Variants in PSD3 observed in about 807,000 individuals in gnomAD.
PSD3 encodes the protein PH and SEC7 domain-containing protein 3.
Under a neutral mutation model 105.5 loss-of-function variants are expected in PSD3, and 49 were observed. The ratio of observed to expected loss-of-function variants is 0.46; its 90% confidence interval spans 0.37 to 0.59. The LOEUF (loss-of-function observed/expected upper bound fraction) is 0.59. Among genes scored for constraint, PSD3 ranks in the 20% least tolerant of loss-of-function variants. The pLI, the probability that PSD3 is intolerant of heterozygous loss-of-function variation, is 0.00. For synonymous variants in PSD3, 557 were observed against 457.8 expected (o/e 1.22, Z -2.77); for missense variants, 1,561 against 1,263.8 (o/e 1.24, Z -3.57).
At chr8:18,991,470 G>T (rs908437141) in intron 1 of PSD3, among the ~76,000 whole-genome samples, 2 of 151,960 alleles carry the variant, frequency 1.3e-5, no homozygotes, top group African/African-American at 4.8e-5. Flanking sequence ...AGGGTCAACT[G>T]TGACCTACAG....
In PSD3 at chr8:18,867,768, C is replaced by T. The variant is rs374109905; in HGVS notation, c.1540G>A (p.Val514Met). The change falls in exon 4 of 16, where the codon GTG (valine) becomes ATG (methionine). Residue 514 changes from valine (V) to methionine (M), a missense_variant. Physicochemically the swap from Val to Met is conservative, Grantham distance 21. Coordinates refer to ENST00000327040, the MANE Select transcript of PSD3 (RefSeq NM_015310.4). Reference sequence around the variant, plus strand: ...GTGACGCCACTAGAATAGCCCATCACGATGCCACCATCTGCAGACACACTC... The same window carrying T: ...GTGACGCCACTAGAATAGCCCATCATGATGCCACCATCTGCAGACACACTC... ...ILSVSADGGI[V>M]MGYSSGVTNG... 3.2e-5 allele frequency: 52 copies of T among 1,614,016 alleles called. No individual in the cohort carries two copies. The highest frequency in any genetic ancestry group is 1.1e-4 in the East Asian group (5 of 44,874).
chr8:18,684,699 G>A (rs1377085541), intron 9 of PSD3, among the ~76,000 whole-genome samples: 1 of 152,170 alleles, frequency 6.6e-6, no homozygotes, highest in Non-Finnish European at 1.5e-5. Context: ...GGCAAATCCA[G>A]AATAAAGATG....
chr8:18,953,710 C>G (rs1237206680), intron 1 of PSD3, among the ~76,000 whole-genome samples: 1 of 151,888 alleles, frequency 6.6e-6, no homozygotes, highest in African/African-American at 2.4e-5. Flanking sequence ...GATGGCACCA[C>G]TGCACTCCAG....
At chr8:18,658,808 C>T (rs1302875035) in intron 9 of PSD3, among the ~76,000 whole-genome samples, 1 of 140,534 alleles carries the variant, frequency 7.1e-6, no homozygotes, top group African/African-American at 3.1e-5. Flanking sequence ...GTAGTCAGAT[C>T]ATAAAAAGTA....
intron 12 of PSD3, among the ~76,000 whole-genome samples, chr8:18,589,935 T>C (rs965627475): frequency 2.6e-5 from 4 of 152,178 alleles, no homozygotes; most frequent in Non-Finnish European, 5.9e-5. Flanking sequence ...AACATCTGTA[T>C]TCCCTGCCAT....
chr8:18,752,202 C>G (rs1383851918), intron 9 of PSD3, among the ~76,000 whole-genome samples: 1 of 151,352 alleles, frequency 6.6e-6, no homozygotes, highest in Non-Finnish European at 1.5e-5. Context: ...TATGCATATA[C>G]TTACACACAT....
chr8:18,677,646 T>C (rs2220352), intron 9 of PSD3, among the ~76,000 whole-genome samples: 54,184 of 152,094 alleles, frequency 0.36, 9,739 homozygotes, highest in South Asian at 0.44. Context: ...AATGATAATC[T>C]GTAGAACTAC....
At chr8:18,805,194 C>T (rs1025232072) in intron 4 of PSD3, among the ~76,000 whole-genome samples, 2 of 152,036 alleles carry the variant, frequency 1.3e-5, no homozygotes, top group East Asian at 1.9e-4. Context: ...TATTTACCCT[C>T]GTAGTAATGA....
intron 15 of PSD3, among the ~76,000 whole-genome samples, chr8:18,538,906 C>A (rs1199710883): frequency 5.3e-5 from 8 of 152,044 alleles, no homozygotes; most frequent in Admixed American, 6.6e-5. Flanking sequence ...AAAGACAAAG[C>A]AGAAAAAAGG....
At chr8:18,963,470 T>C (rs1389586495) in intron 1 of PSD3, among the ~76,000 whole-genome samples, 1 of 152,214 alleles carries the variant, frequency 6.6e-6, no homozygotes, top group Non-Finnish European at 1.5e-5. Context: ...CTTTTTTTCT[T>C]ATTTTATACA....
intron 4 of PSD3, among the ~76,000 whole-genome samples, chr8:18,820,529 C>G (rs2129449262): frequency 6.6e-6 from 1 of 152,272 alleles, no homozygotes; most frequent in East Asian, 1.9e-4. Flanking sequence ...TAAGTCATCT[C>G]TAAGCTACTT....
chr8:18,775,812 G>A (rs560103941), intron 8 of PSD3, among the ~76,000 whole-genome samples: 17 of 151,990 alleles, frequency 1.1e-4, no homozygotes, highest in African/African-American at 4.1e-4. Flanking sequence ...TCCTTTACTG[G>A]GCAGAAGGGT....
chr8:18,632,813 G>A lies in PSD3; in HGVS notation c.2217-7C>T. The A allele has an allele frequency of 6.5e-7, 1 of 1,541,506 alleles. No homozygotes were observed. The highest frequency in any genetic ancestry group is 8.9e-7 in the Non-Finnish European group (1 of 1,124,052). ...TTTTTTCTCTTCATCATCTCTAAAA[G>A]GGAGAAAGCACAAAGACTGAGTCAA... On this transcript the variant is annotated splice_region_variant and splice_polypyrimidine_tract_variant and intron_variant, in intron 10 of 15. Coordinates refer to ENST00000327040, the MANE Select transcript of PSD3 (RefSeq NM_015310.4).
intron 4 of PSD3, among the ~76,000 whole-genome samples, chr8:18,830,205 G>T (rs1813569445): frequency 6.6e-6 from 1 of 152,162 alleles, no homozygotes. Context: ...GTCTCCCAAA[G>T]TGCTGGGATT....
At chr8:18,539,539 G>C (rs542829920) in intron 15 of PSD3, among the ~76,000 whole-genome samples, 28 of 149,674 alleles carry the variant, frequency 1.9e-4, no homozygotes, top group African/African-American at 6.4e-4. Context: ...AAGTATATTA[G>C]TAAATTACTT....
chr8:18,667,447 G>C (rs188406990), intron 9 of PSD3, among the ~76,000 whole-genome samples: 4 of 152,168 alleles, frequency 2.6e-5, no homozygotes, highest in African/African-American at 9.7e-5. Context: ...CCCTTAGCTA[G>C]ACATGAAGAT....
intron 9 of PSD3, among the ~76,000 whole-genome samples, chr8:18,747,762 C>T (rs1805147858): frequency 6.6e-6 from 1 of 151,520 alleles, no homozygotes; most frequent in Non-Finnish European, 1.5e-5. Flanking sequence ...AATGTCTGCT[C>T]AGTATGCAGA....
At position 18,828,067 on chromosome 8, in the gene PSD3, A is replaced by ATATATTTTT. The variant is rs371473289; in HGVS notation, c.1635-23170_1635-23169insAAAAATATA. 1.4e-3 allele frequency among the ~76,000 whole-genome samples: 164 copies of ATATATTTTT among 118,864 alleles called. 1 individual carries two copies. Among genetic ancestry groups the ATATATTTTT allele is most frequent in the African/African-American group, 5.3e-3 (152 of 28,418 alleles). 78.0% of individuals were successfully genotyped at this position (118,864 alleles called of 152,430 possible). On this transcript the variant is annotated intron_variant, in intron 4 of 15. Transcript: ENST00000327040. ...TATATGTATATATATATATATATAT[A>ATATATTTTT]TTTTTTTTTTTTTACAAAAAAAATG... is the stretch of plus-strand genomic sequence containing the variant.
At chr8:18,981,436 G>C (rs186389397) in intron 1 of PSD3, among the ~76,000 whole-genome samples, 34 of 152,212 alleles carry the variant, frequency 2.2e-4, no homozygotes, top group Admixed American at 1.5e-3. Flanking sequence ...CCTTGGATAA[G>C]GTACTCAACA....
Sources: gnomAD v4.1 joint callset for allele counts (sites outside exome capture counted in the v4.1 genomes callset) on GRCh38, gnomAD v4.1.1 for gene constraint, MANE v1.5 for transcripts, NCBI Gene and HGNC (gene_info 2026-07-23, HGNC 2026-07-21) for gene names.